Variants in DNAH12 observed in about 807,000 individuals in gnomAD.
DNAH12 encodes dynein axonemal heavy chain 12.
In DNAH12, 285 loss-of-function variants were observed where a neutral mutation model predicts 371.5. The observed-to-expected ratio is 0.77, with a 90% CI of 0.70 to 0.85. The LOEUF (loss-of-function observed/expected upper bound fraction) is 0.85, where lower values mean the gene tolerates loss of function less well. Ranked by LOEUF, DNAH12 falls within the 40% of genes least tolerant of loss-of-function variation. The probability of loss-of-function intolerance (pLI) is 0.00; values close to 1 mark genes in which losing one functional copy is unlikely to be tolerated. For synonymous variants in DNAH12, 1,200 were observed against 1,213.0 expected (o/e 0.99, Z 0.22); for missense variants, 3,611 against 3,689.4 (o/e 0.98, Z 0.55).
intron 8 of DNAH12, among the ~76,000 whole-genome samples, chr3:57,507,006 T>C (rs376506436): frequency 6.6e-6 from 1 of 151,528 alleles, no homozygotes; most frequent in African/African-American, 2.4e-5. Context: ...GTGTATTAGT[T>C]ACAGCATTAC....
rs144968269 is a variant in DNAH12 at position 57,336,768 on chromosome 3, G to A, written c.9675-1828C>T. ...ACATCCTCACAATAAGAAAAAAGCT[G>A]AACAAACTGAAAATCAGCAACTTTT... On this transcript the variant is annotated intron_variant, in intron 60 of 73. Transcript: ENST00000495027. 3.6e-3 allele frequency among the ~76,000 whole-genome samples: 553 copies of A among 152,258 alleles called. 5 individuals are homozygous for A. Among genetic ancestry groups the A allele is most frequent in the African/African-American group, 0.013 (528 of 41,552 alleles).
At chr3:57,390,519 CAGAATGCAGTTCATAATAAATAGGCAAAG>C (rs2063601388) in intron 45 of DNAH12, among the ~76,000 whole-genome samples, 1 of 131,612 alleles carries the variant, frequency 7.6e-6, no homozygotes, top group African/African-American at 2.6e-5. Context: ...CAAACAAAAC[CAGAATGCAGTTCATAATAAATAGGCAAAG>C]AGAATAAAAC....
At chr3:57,311,841 T>C (rs760165444) in intron 66 of DNAH12, among the ~76,000 whole-genome samples, 4 of 152,262 alleles carry the variant, frequency 2.6e-5, no homozygotes, top group Non-Finnish European at 5.9e-5. Context: ...ACAGTTCCAC[T>C]GGCAATACAT....
At position 57,485,838 on chromosome 3, in the gene DNAH12, AGAG is replaced by A. The variant is rs555288484; in HGVS notation, c.1515-2330_1515-2328del. On this transcript the variant is annotated intron_variant, in intron 12 of 73. Coordinates refer to ENST00000495027, the MANE Select transcript of DNAH12 (RefSeq NM_001366028.2). ...CGGGGACTCGGTGTGGGGAAGGCTG[AGAG>A]GCAGGTGAGGGGTAAAAGACTACAT... Among the ~76,000 whole-genome samples the A allele has an allele frequency of 2.0e-5, 3 of 152,282 alleles. No individual in the cohort carries two copies. In the South Asian group the frequency reaches 6.2e-4, roughly 32 times the overall value.
Position 57,314,647 on chromosome 3 carries a change from T to C in DNAH12, c.10525-16A>G, listed in dbSNP as rs1331165806. The C allele has an allele frequency of 1.3e-6, 2 of 1,512,412 alleles. No homozygotes were observed. Among genetic ancestry groups the C allele is most frequent in the African/African-American group, 1.5e-5 (1 of 68,110 alleles). 93.7% of individuals were successfully genotyped at this position (1,512,412 alleles called of 1,614,324 possible). On this transcript the variant is annotated splice_polypyrimidine_tract_variant and intron_variant, in intron 65 of 73. Transcript: ENST00000495027. ...TCTCCCAGGCCTTTAATATAAAAAG[T>C]ACATAACAAGAAAAAAAATTCCGGT...
Position 57,531,418 on chromosome 3 carries a change from T to C in DNAH12, c.171-7534A>G, listed in dbSNP as rs2068842583. Among the ~76,000 whole-genome samples the C allele has an allele frequency of 2.0e-5, 3 of 152,158 alleles. No homozygotes were observed. The South Asian group carries it at 6.2e-4, about 32-fold the overall frequency. On this transcript the variant is annotated intron_variant, in intron 2 of 73. Transcript: ENST00000495027. The stretch of plus-strand genomic sequence containing the variant: ...ATTGTATGTTATTTGTTTCTTCTGT[T>C]GCTTTTAGGATCCTTTCTTTATCTT...
At chr3:57,416,089 ATT>A (rs2064368005) in intron 37 of DNAH12, among the ~76,000 whole-genome samples, 1 of 151,338 alleles carries the variant, frequency 6.6e-6, no homozygotes, top group Non-Finnish European at 1.5e-5. Context: ...TGCTTGATCT[ATT>A]TTTATTTTTT....
At chr3:57,333,182 C>T (rs1012725281) in intron 62 of DNAH12, among the ~76,000 whole-genome samples, 4 of 152,000 alleles carry the variant, frequency 2.6e-5, no homozygotes, top group African/African-American at 9.7e-5. Context: ...TCACTGCAAC[C>T]TCTGCCTCCC....
intron 37 of DNAH12, among the ~76,000 whole-genome samples, chr3:57,416,136 T>G (rs1382495557): frequency 6.6e-6 from 1 of 152,062 alleles, no homozygotes; most frequent in African/African-American, 2.4e-5. Flanking sequence ...CAGTCTGGAA[T>G]GAAGTGGCAC....
At chr3:57,451,597 C>A (rs1192795176) in intron 25 of DNAH12, among the ~76,000 whole-genome samples, 1 of 152,198 alleles carries the variant, frequency 6.6e-6, no homozygotes, top group African/African-American at 2.4e-5. Context: ...CATGATGGCG[C>A]CACTGCATTC....
At chr3:57,537,890 G>A (rs561189633) in intron 2 of DNAH12, among the ~76,000 whole-genome samples, 26 of 152,118 alleles carry the variant, frequency 1.7e-4, no homozygotes, top group South Asian at 4.2e-4. Context: ...TCACCATGTT[G>A]GCCAGGATGG....
chr3:57,554,425 T>C, the DNAH12 span, among the ~76,000 whole-genome samples: 2 of 152,072 alleles, frequency 1.3e-5, no homozygotes, highest in South Asian at 2.1e-4. Flanking sequence ...TTTTCCATAA[T>C]TGCAAGCAAA....
chr3:57,406,283 G>A (rs1462425077), intron 40 of DNAH12, among the ~76,000 whole-genome samples: 1 of 149,656 alleles, frequency 6.7e-6, no homozygotes, highest in African/African-American at 2.5e-5. Flanking sequence ...CCCGGGAGGT[G>A]GAGGTAGACA....
At chr3:57,364,266 C>T (rs1317297958) in intron 57 of DNAH12, among the ~76,000 whole-genome samples, 4 of 152,132 alleles carry the variant, frequency 2.6e-5, no homozygotes, top group African/African-American at 9.7e-5. Context: ...CAAAATAACA[C>T]AGTCTACCAT....
In DNAH12 at chr3:57,387,162, G is replaced by T. The variant is rs1418876781; in HGVS notation, c.7363C>A (p.Leu2455Ile). ...ATCTCTTGTTGTTCAACCTCAGTAA[G>T]CTCCAGTGTTTCTAAGAATTTCACA... ...VAVKFLETLE[L>I]TEVEQQEIVP... The change falls in exon 46 of 74, where the codon CTT becomes ATT. Residue 2455 changes from leucine (L) to isoleucine (I), a missense_variant. Physicochemically the swap from Leu to Ile is conservative, Grantham distance 5. Transcript: ENST00000495027. The T allele has an allele frequency of 2.0e-5, 3 of 152,136 alleles. No homozygotes were observed. The highest frequency in any genetic ancestry group is 2.9e-5 in the Non-Finnish European group (2 of 68,026). 9.4% of individuals were successfully genotyped at this position (152,136 alleles called of 1,614,324 possible). A position where few individuals can be genotyped will look rare whatever the true frequency, so the allele number is the denominator to read the frequency against.
At position 57,471,322 on chromosome 3, in the gene DNAH12, ATATATATG is replaced by A. The variant is rs2066359497; in HGVS notation, c.1911+142_1911+149del. 4 of 426,144 alleles carry A rather than the reference ATATATATG, an allele frequency of 9.4e-6. No homozygotes were observed. The Admixed American group carries it at 1.6e-4, about 17-fold the overall frequency. 26.4% of individuals were successfully genotyped at this position (426,144 alleles called of 1,614,324 possible). A position where few individuals can be genotyped will look rare whatever the true frequency, so the allele number is the denominator to read the frequency against. On this transcript the variant is annotated intron_variant, in intron 15 of 73. Coordinates refer to ENST00000495027, the MANE Select transcript of DNAH12 (RefSeq NM_001366028.2). ...TACTATATATTATAGTATTAGATAA[ATATATATG>A]TATATATGTAATATATAGAAAAATA...
At chr3:57,472,998 T>C (rs1280867000) in intron 13 of DNAH12, among the ~76,000 whole-genome samples, 2 of 151,516 alleles carry the variant, frequency 1.3e-5, no homozygotes, top group African/African-American at 4.8e-5. Flanking sequence ...AGAAGTCCTT[T>C]AATTTTGATT....
intron 13 of DNAH12, among the ~76,000 whole-genome samples, chr3:57,482,296 T>A (rs1379739052): frequency 7.9e-5 from 12 of 152,064 alleles, no homozygotes; most frequent in Admixed American, 6.6e-4. Flanking sequence ...GAAGACATTT[T>A]TGCAGCCAAA....
chr3:57,487,600 T>G (rs2066977420), intron 12 of DNAH12, among the ~76,000 whole-genome samples: 1 of 152,016 alleles, frequency 6.6e-6, no homozygotes, highest in African/African-American at 2.4e-5. Flanking sequence ...AACCAAACGG[T>G]GAAGTAAGCA....
Sources: allele counts gnomAD v4.1 joint callset (sites outside exome capture counted in the v4.1 genomes callset), GRCh38; gene constraint gnomAD v4.1.1; transcripts MANE v1.5; gene names NCBI Gene and HGNC (gene_info 2026-07-23, HGNC 2026-07-21).